Variants in PCDHA10 observed in about 807,000 individuals in gnomAD.
PCDHA10 encodes the protein protocadherin alpha-10.
A neutral mutation model predicts 61.2 loss-of-function variants in PCDHA10; 45 were observed. That is an observed-to-expected ratio of 0.74 (90% CI 0.58 to 0.94). The LOEUF (loss-of-function observed/expected upper bound fraction) is 0.94, where lower values mean the gene tolerates loss of function less well. Ranked by LOEUF, PCDHA10 falls within the 40% of genes least tolerant of loss-of-function variation. The probability of loss-of-function intolerance (pLI) is 0.00; values close to 1 mark genes in which losing one functional copy is unlikely to be tolerated. For synonymous variants in PCDHA10, 602 were observed against 548.8 expected (o/e 1.10, Z -1.35); for missense variants, 1,278 against 1,236.2 (o/e 1.03, Z -0.51).
intron 1 of PCDHA10, chr5:140,878,069 T>C: frequency 5.3e-6 from 2 of 379,294 alleles, no homozygotes; most frequent in East Asian, 5.0e-5. Flanking sequence ...ATATTTTTCT[T>C]TTTCTATAAT....
In PCDHA10 at chr5:140,990,889, G is replaced by A. The variant is rs569864202; in HGVS notation, c.2536+8326G>A. Among the ~76,000 whole-genome samples, 53 of 152,284 alleles carry A rather than the reference G, an allele frequency of 3.5e-4. 2 individuals are homozygous for A. The South Asian group carries it at 8.3e-3, about 24-fold the overall frequency. Reference sequence around the variant, plus strand: ...TTTAAGTGTATGTTCCAGTGAGTGGGTCGTTGCTGGGTCAAGTTTTATAAG... The same window carrying A: ...TTTAAGTGTATGTTCCAGTGAGTGGATCGTTGCTGGGTCAAGTTTTATAAG... On this transcript the variant is annotated intron_variant, in intron 3 of 3. Transcript: ENST00000307360.
chr5:140,862,679 TG>T, intron 1 of PCDHA10: 1 of 551,310 alleles, frequency 1.8e-6, no homozygotes, highest in Non-Finnish European at 3.6e-6. Flanking sequence ...GAGAACGTGC[TG>T]GTGTCCTACT....
At chr5:140,928,691 T>C (rs1554206164) in intron 1 of PCDHA10, 1 of 1,614,148 alleles carries the variant, frequency 6.2e-7, no homozygotes, top group East Asian at 2.2e-5. Context: ...TCCTACCACA[T>C]CTCCCGGGCG....
In PCDHA10 at chr5:140,857,536, G is replaced by A. The variant is rs782533924; in HGVS notation, c.1488G>A (p.Arg496=). The A allele has an allele frequency of 2.5e-6, 4 of 1,597,412 alleles. No homozygotes were observed. In the South Asian group the frequency reaches 4.4e-5, roughly 18 times the overall value. ...NALVSYSLVE[R]RLGERSLSSY... ...TGGTGTCCTACTCTCTGGTGGAGCG[G>A]CGGTTGGGCGAGCGCTCGCTGTCGA... The change falls in exon 1 of 4, where the codon CGG becomes CGA. Residue 496 remains arginine, a synonymous_variant. Coordinates refer to ENST00000307360, the MANE Select transcript of PCDHA10 (RefSeq NM_018901.4).
In PCDHA10 at chr5:140,856,703, C is replaced by A. The variant is rs1413055800; in HGVS notation, c.655C>A (p.Pro219Thr). Residue 219 changes from proline to threonine, a missense_variant, in exon 1 of 4, where the codon CCT becomes ACT. Pro to Thr is a conservative substitution (Grantham distance 38, BLOSUM62 -1). Coordinates refer to ENST00000307360, the MANE Select transcript of PCDHA10 (RefSeq NM_018901.4). ...GTTGACAGCAACTGATGGAGGCAAA[C>A]CTGAATTTACCGGATCTGTTTCTCT... ...LLLTATDGGK[P>T]EFTGSVSLLI... 3 of 1,596,568 alleles carry A rather than the reference C, an allele frequency of 1.9e-6. No individual in the cohort carries two copies. Among genetic ancestry groups the A allele is most frequent in the Admixed American group, 1.7e-5 (1 of 59,220 alleles).
At chr5:140,912,410 T>C (rs2075912290) in intron 1 of PCDHA10, among the ~76,000 whole-genome samples, 1 of 152,090 alleles carries the variant, frequency 6.6e-6, no homozygotes, top group Non-Finnish European at 1.5e-5. Context: ...AGCTTGGTTA[T>C]TATTGGTGTA....
chr5:140,890,341 T>C (rs2062601372), intron 1 of PCDHA10, among the ~76,000 whole-genome samples: 1 of 152,190 alleles, frequency 6.6e-6, no homozygotes, highest in Non-Finnish European at 1.5e-5. Context: ...GTTGGGATGG[T>C]TTACTATATA....
At chr5:140,870,435 G>A in intron 1 of PCDHA10, 1 of 1,614,252 alleles carries the variant, frequency 6.2e-7, no homozygotes, top group South Asian at 1.1e-5. Context: ...CCGTGGAGGT[G>A]GCCGACGTGA....
rs2043669744 is a variant in PCDHA10, at chr5:140,855,911, G to A, written c.-138G>A. On this transcript the variant is annotated 5_prime_UTR_variant, in exon 1 of 4. Coordinates refer to ENST00000307360, the MANE Select transcript of PCDHA10 (RefSeq NM_018901.4). ...ACAAAGGCATCAGCCAGTTTCTCAA[G>A]GACTAGGAAGTAGCGTCATTCTGAG... The A allele has an allele frequency of 3.4e-6, 4 of 1,166,768 alleles. No individual in the cohort carries two copies. The highest frequency in any genetic ancestry group is 4.8e-5 in the East Asian group (2 of 41,888). 72.3% of individuals were successfully genotyped at this position (1,166,768 alleles called of 1,614,324 possible).
At chr5:140,883,911 A>G (rs2059884661) in intron 1 of PCDHA10, 2 of 1,613,034 alleles carry the variant, frequency 1.2e-6, no homozygotes, top group Non-Finnish European at 8.5e-7. Flanking sequence ...CTGGGCAGCA[A>G]CGTGACGCTG....
At chr5:140,923,165 A>G (rs1307354165) in intron 1 of PCDHA10, among the ~76,000 whole-genome samples, 1 of 152,148 alleles carries the variant, frequency 6.6e-6, no homozygotes. Context: ...AGAAAGATAA[A>G]TTTTTGTTCA....
chr5:140,985,739 C>CTTTTT (rs11372071), intron 3 of PCDHA10, among the ~76,000 whole-genome samples: 4 of 117,922 alleles, frequency 3.4e-5, no homozygotes, highest in East Asian at 2.5e-4. Flanking sequence ...TGATGAATTC[C>CTTTTT]TTTTTTTTTT....
At chr5:140,924,944 TAA>T (rs11334471) in intron 1 of PCDHA10, among the ~76,000 whole-genome samples, 87 of 142,948 alleles carry the variant, frequency 6.1e-4, no homozygotes, top group African/African-American at 2.0e-3. Flanking sequence ...AATAAAAAGT[TAA>T]AAAAAAAATG....
At chr5:140,917,259 T>C (rs1246984274) in intron 1 of PCDHA10, among the ~76,000 whole-genome samples, 2 of 151,338 alleles carry the variant, frequency 1.3e-5, no homozygotes, top group East Asian at 3.9e-4. Flanking sequence ...GCTCACCTGA[T>C]GTTTGGTTTT....
chr5:140,966,402 G>A (rs1554228257), intron 1 of PCDHA10: 4 of 404,514 alleles, frequency 9.9e-6, no homozygotes, highest in African/African-American at 8.2e-5. Context: ...ACTTCGGCGC[G>A]GAATCAGAGC....
intron 1 of PCDHA10, among the ~76,000 whole-genome samples, chr5:140,956,062 T>G (rs2153708941): frequency 6.6e-6 from 1 of 152,228 alleles, no homozygotes; most frequent in South Asian, 2.1e-4. Flanking sequence ...GACAATGGGG[T>G]TTTCCAGATA....
chr5:140,891,569 CAT>C (rs59481749), intron 1 of PCDHA10, among the ~76,000 whole-genome samples: 3,590 of 152,218 alleles, frequency 0.024, 138 homozygotes, highest in African/African-American at 0.082. Flanking sequence ...TCTAATTAAA[CAT>C]ATTTTAATCT....
At chr5:140,925,138 CA>C (rs2153576707) in intron 1 of PCDHA10, among the ~76,000 whole-genome samples, 1 of 151,676 alleles carries the variant, frequency 6.6e-6, no homozygotes, top group South Asian at 2.1e-4. Flanking sequence ...AAATTTCAAA[CA>C]TACACAAAAG....
intron 1 of PCDHA10, chr5:140,863,371 C>A: frequency 2.6e-6 from 3 of 1,169,148 alleles, no homozygotes; most frequent in Non-Finnish European, 3.7e-6. Context: ...CTTGGCGCAG[C>A]TCACCGAGAG....
Sources: gnomAD v4.1 joint callset for allele counts (sites outside exome capture counted in the v4.1 genomes callset) on GRCh38, gnomAD v4.1.1 for gene constraint, MANE v1.5 for transcripts, NCBI Gene and HGNC (gene_info 2026-07-23, HGNC 2026-07-21) for gene names.